Variants in FBXO11 observed in about 807,000 individuals in gnomAD.
The protein encoded by FBXO11 is F-box protein 11, also known as F-box only protein 11.
In FBXO11, 13 loss-of-function variants were observed where a neutral mutation model predicts 117.0. That is an observed-to-expected ratio of 0.11 (90% confidence interval 0.07 to 0.18). The LOEUF (loss-of-function observed/expected upper bound fraction) is 0.18. Among genes scored for constraint, FBXO11 ranks in the 10% least tolerant of loss-of-function variants. The probability of loss-of-function intolerance (pLI) is 1.00; values close to 1 mark genes in which losing one functional copy is unlikely to be tolerated. For missense variants in FBXO11, 767 were observed against 1,164.4 expected, an observed-to-expected ratio of 0.66 and a Z score of 4.97; for synonymous variants, 490 against 380.5, an observed-to-expected ratio of 1.29 and a Z score of -3.35.
intron 1 of FBXO11, among the ~76,000 whole-genome samples, chr2:47,862,182 A>C (rs1359196663): frequency 1.3e-5 from 2 of 152,114 alleles, no homozygotes; most frequent in Non-Finnish European, 2.9e-5. Context: ...CGGCCTCCCA[A>C]AGTGCTGGGA....
chr2:47,896,215 A>G (rs1677652605), intron 1 of FBXO11, among the ~76,000 whole-genome samples: 1 of 152,120 alleles, frequency 6.6e-6, no homozygotes, highest in East Asian at 1.9e-4. Flanking sequence ...AGAAATAAAC[A>G]CGTAATGTTA....
At chr2:47,858,681 CA>C (rs902232765) in intron 1 of FBXO11, among the ~76,000 whole-genome samples, 16,029 of 67,496 alleles carry the variant, frequency 0.24, 615 homozygotes, top group East Asian at 0.29. Context: ...GACTCTGCCT[CA>C]AAAAAAAAAA....
intron 4 of FBXO11, among the ~76,000 whole-genome samples, chr2:47,837,649 C>G (rs903859139): frequency 1.3e-5 from 2 of 152,172 alleles, no homozygotes; most frequent in Non-Finnish European, 2.9e-5. Context: ...TAACTATTAA[C>G]AGTCTGCCAT....
intron 1 of FBXO11, among the ~76,000 whole-genome samples, chr2:47,880,114 G>T (rs1676329462): frequency 6.6e-6 from 1 of 151,772 alleles, no homozygotes. Flanking sequence ...TCCCACCACA[G>T]CCTCCCGAGT....
rs552842158 is a variant in FBXO11 at position 47,812,788 on chromosome 2, C to G, written c.2227+446G>C. The G allele has an allele frequency of 2.1e-4, 44 of 214,582 alleles. No individual in the cohort carries two copies. In the South Asian group the frequency reaches 3.0e-3, roughly 14 times the overall value. The allele number at this position is 214,582 out of a possible 1,614,324, so 13.3% of individuals were successfully genotyped here. ...CAAAGTGAGTTGACCTTTATGAATA[C>G]CAAACCAGGCACATCTTGGCTTCAT... On this transcript the variant is annotated intron_variant, in intron 18 of 22. Coordinates refer to ENST00000403359, the MANE Select transcript of FBXO11 (RefSeq NM_001190274.2).
chr2:47,809,342 C>T, intron 20 of FBXO11, 76 bp from the exon 21 acceptor site: 1 of 943,658 alleles, frequency 1.1e-6, no homozygotes, highest in South Asian at 1.6e-5. Flanking sequence ...TAGGATTATT[C>T]TAACAGAAGA....
chr2:47,810,498 G>A (rs1670537958), intron 18 of FBXO11, 72 bp from the exon 19 acceptor site: 3 of 944,692 alleles, frequency 3.2e-6, no homozygotes, highest in Non-Finnish European at 3.1e-6. Flanking sequence ...GTGGTATTTA[G>A]GTTTGCTTTT....
At chr2:47,819,611 T>C (rs759248761) in intron 14 of FBXO11, among the ~76,000 whole-genome samples, 2 of 152,058 alleles carry the variant, frequency 1.3e-5, no homozygotes, top group African/African-American at 2.4e-5. Context: ...ACAGTAATAG[T>C]AGTAGTAGCA....
chr2:47,889,247 G>C (rs1645625278), intron 1 of FBXO11, among the ~76,000 whole-genome samples: 1 of 152,096 alleles, frequency 6.6e-6, no homozygotes, highest in Admixed American at 6.6e-5. Context: ...GCTACTAAAA[G>C]CCACTGTTTC....
At chr2:47,902,326 G>A (rs1678358043) in intron 1 of FBXO11, among the ~76,000 whole-genome samples, 1 of 152,192 alleles carries the variant, frequency 6.6e-6, no homozygotes, top group African/African-American at 2.4e-5. Flanking sequence ...TTAGTCTTAG[G>A]ATAGCTGATC....
At chr2:47,823,389 G>A in intron 11 of FBXO11, 29 bp from the exon 12 acceptor site, 2 of 1,475,292 alleles carry the variant, frequency 1.4e-6, no homozygotes, top group Non-Finnish European at 1.8e-6. Context: ...AAATCTGTAG[G>A]TAAAGCCTAC....
At chr2:47,848,439 T>C (rs1489281665) in intron 1 of FBXO11, among the ~76,000 whole-genome samples, 1 of 152,122 alleles carries the variant, frequency 6.6e-6, no homozygotes, top group African/African-American at 2.4e-5. Context: ...AGGTGAACAG[T>C]TTCATCCTGA....
chr2:47,895,954 C>T (rs1206029265), intron 1 of FBXO11, among the ~76,000 whole-genome samples: 3 of 152,330 alleles, frequency 2.0e-5, no homozygotes, highest in Non-Finnish European at 2.9e-5. Flanking sequence ...CTCAGCCTCC[C>T]AAAGTGCTGG....
intron 5 of FBXO11, among the ~76,000 whole-genome samples, chr2:47,835,670 G>T (rs1056998899): frequency 6.6e-6 from 1 of 152,062 alleles, no homozygotes; most frequent in East Asian, 1.9e-4. Flanking sequence ...GCTAATTTTT[G>T]TATTTTTAGA....
intron 1 of FBXO11, chr2:47,883,516 A>G (rs1314618657): frequency 1.3e-5 from 5 of 398,250 alleles, no homozygotes; most frequent in Admixed American, 1.1e-4. Context: ...GAACCCTTGG[A>G]TACAACAGAA....
chr2:47,807,254 GTTTGT>G lies in FBXO11; in HGVS notation c.*859_*863del, dbSNP rs1256736573. 1 of 228,006 alleles carries G rather than the reference GTTTGT, an allele frequency of 4.4e-6. No homozygotes were observed. The highest frequency in any genetic ancestry group is 2.2e-5 in the African/African-American group (1 of 44,664). 14.1% of individuals were successfully genotyped at this position (228,006 alleles called of 1,614,324 possible). On this transcript the variant is annotated 3_prime_UTR_variant, in exon 23 of 23. Coordinates refer to ENST00000403359, the MANE Select transcript of FBXO11 (RefSeq NM_001190274.2). ...ATGAACAGAGTTCAAATACAGGACT[GTTTGT>G]TTTGAAGAGACTTTCTAAAGTGTAC...
chr2:47,809,846 A>G, intron 19 of FBXO11, 139 bp from the exon 20 acceptor site: 1 of 573,468 alleles, frequency 1.7e-6, no homozygotes, highest in East Asian at 2.9e-5. Context: ...AAATGTAGAT[A>G]CCTATTTCAA....
chr2:47,827,440 G>A (rs1671841499), intron 11 of FBXO11, among the ~76,000 whole-genome samples: 1 of 152,078 alleles, frequency 6.6e-6, no homozygotes, highest in African/African-American at 2.4e-5. Context: ...CCGAGGAGCT[G>A]GGACTTTTGG....
chr2:47,893,118 C>A (rs1558479608), intron 1 of FBXO11, among the ~76,000 whole-genome samples: 1 of 151,750 alleles, frequency 6.6e-6, no homozygotes, highest in Admixed American at 6.6e-5. Context: ...TGCACCACTG[C>A]ACTCCAGCCT....
Sources: allele counts gnomAD v4.1 joint callset (sites outside exome capture counted in the v4.1 genomes callset), GRCh38; gene constraint gnomAD v4.1.1; transcripts MANE v1.5; gene names NCBI Gene and HGNC (gene_info 2026-07-23, HGNC 2026-07-21).